KLHL32: variants seen among roughly 807,000 people sequenced by gnomAD.
The protein encoded by KLHL32 is kelch-like protein 32.
Under a neutral mutation model 64.8 loss-of-function variants are expected in KLHL32, and 35 were observed. That is an observed-to-expected ratio of 0.54 (90% CI 0.41 to 0.72). KLHL32 has a LOEUF of 0.72. KLHL32 is among the 30% of genes least tolerant of loss of function. KLHL32 has a pLI of 0.00. For missense variants in KLHL32, 589 were observed against 768.5 expected (o/e 0.77, Z 2.76); for synonymous variants, 259 against 281.0 (o/e 0.92, Z 0.78).
intron 3 of KLHL32, among the ~76,000 whole-genome samples, chr6:97,031,620 G>GGCAATGTTA (rs1783565122): frequency 6.6e-6 from 1 of 152,108 alleles, no homozygotes. Flanking sequence ...TTATAGTCAT[G>GGCAATGTTA]ACCCACGGTG....
intron 4 of KLHL32, among the ~76,000 whole-genome samples, chr6:97,042,368 G>A (rs1766499): frequency 0.17 from 26,054 of 152,150 alleles, 2,589 homozygotes; most frequent in African/African-American, 0.29. Context: ...ATACAAAACA[G>A]AGTGGGAGAA....
At chr6:96,980,057 T>C (rs1776133444) in intron 3 of KLHL32, among the ~76,000 whole-genome samples, 2 of 152,170 alleles carry the variant, frequency 1.3e-5, no homozygotes, top group Admixed American at 1.3e-4. Flanking sequence ...TTAGGAGATA[T>C]GGGGCAGAGA....
intron 2 of KLHL32, among the ~76,000 whole-genome samples, chr6:96,971,538 C>G (rs1467142820): frequency 6.6e-6 from 1 of 151,978 alleles, no homozygotes; most frequent in Non-Finnish European, 1.5e-5. Flanking sequence ...TATTTATTTC[C>G]CCATTACTAG....
At chr6:97,102,988 C>A (rs149765886) in intron 6 of KLHL32, among the ~76,000 whole-genome samples, 97 of 151,846 alleles carry the variant, frequency 6.4e-4, no homozygotes, top group African/African-American at 2.3e-3. Flanking sequence ...TCCCTCCTCC[C>A]CCACCCTCCA....
At chr6:97,125,169 C>T (rs1417791673) in intron 7 of KLHL32, among the ~76,000 whole-genome samples, 2 of 152,168 alleles carry the variant, frequency 1.3e-5, no homozygotes, top group Admixed American at 6.5e-5. Flanking sequence ...AAATAGTCCT[C>T]TAGTTAATAA....
rs142438057 is a variant in KLHL32, at chr6:96,927,864, G to A, written c.-66+2838G>A. 1.8e-4 allele frequency among the ~76,000 whole-genome samples: 28 copies of A among 152,286 alleles called. 2 individuals carry two copies. In the East Asian group the frequency reaches 5.4e-3, roughly 29 times the overall value. ...GATTCAGAGCAAACACACTGCTCCT[G>A]GCAGCGTCCACTTTTCGAGCTCTTC... On this transcript the variant is annotated intron_variant, in intron 1 of 10. Coordinates refer to ENST00000369261, the MANE Select transcript of KLHL32 (RefSeq NM_052904.4).
At chr6:97,016,871 C>T (rs1781275435) in intron 3 of KLHL32, among the ~76,000 whole-genome samples, 1 of 152,146 alleles carries the variant, frequency 6.6e-6, no homozygotes, top group Non-Finnish European at 1.5e-5. Context: ...CTCACAAGAA[C>T]TGATGGTTTT....
intron 3 of KLHL32, among the ~76,000 whole-genome samples, chr6:97,006,724 G>C (rs184459841): frequency 6.6e-6 from 1 of 152,276 alleles, no homozygotes; most frequent in Admixed American, 6.5e-5. Flanking sequence ...TGTCTGAAAA[G>C]GATCTTATTT....
intron 5 of KLHL32, among the ~76,000 whole-genome samples, chr6:97,073,385 A>G (rs1562307318): frequency 6.6e-6 from 1 of 152,258 alleles, no homozygotes; most frequent in Non-Finnish European, 1.5e-5. Flanking sequence ...ATTTGAAAAC[A>G]TCATACTGAA....
At chr6:96,980,370 A>C (rs150015074) in intron 3 of KLHL32, among the ~76,000 whole-genome samples, 39 of 152,316 alleles carry the variant, frequency 2.6e-4, no homozygotes, top group Middle Eastern at 6.8e-3. Context: ...TTTAACATGA[A>C]GGGAAGTTGA....
chr6:97,098,999 G>A (rs774480079), intron 6 of KLHL32, among the ~76,000 whole-genome samples: 3 of 152,142 alleles, frequency 2.0e-5, no homozygotes, highest in Admixed American at 6.5e-5. Flanking sequence ...TTATCTTATA[G>A]GTTCGCTATG....
the KLHL32 span, among the ~76,000 whole-genome samples, chr6:96,918,618 T>G: frequency 6.6e-6 from 1 of 152,204 alleles, no homozygotes; most frequent in Non-Finnish European, 1.5e-5. Context: ...ACTAAAAATT[T>G]GATGTATCAC....
At chr6:96,994,787 T>C (rs1013958698) in intron 3 of KLHL32, among the ~76,000 whole-genome samples, 3 of 152,254 alleles carry the variant, frequency 2.0e-5, no homozygotes, top group Non-Finnish European at 4.4e-5. Flanking sequence ...ATTTAAGCAG[T>C]GTGAGCACAG....
chr6:96,951,851 A>G (rs1562186350), intron 1 of KLHL32, among the ~76,000 whole-genome samples: 1 of 152,090 alleles, frequency 6.6e-6, no homozygotes, highest in South Asian at 2.1e-4. Flanking sequence ...CAATTATTTT[A>G]GCTGTTTCTT....
At chr6:97,006,737 C>T (rs1021439757) in intron 3 of KLHL32, among the ~76,000 whole-genome samples, 1 of 152,098 alleles carries the variant, frequency 6.6e-6, no homozygotes, top group African/African-American at 2.4e-5. Context: ...TCTTATTTCT[C>T]CTTTGCTTAT....
chr6:96,966,900 C>G (rs1292283863), intron 1 of KLHL32, 96 bp from the exon 2 acceptor site: 9 of 604,564 alleles, frequency 1.5e-5, no homozygotes, highest in Non-Finnish European at 2.4e-5. Context: ...TCCAAGCTGT[C>G]TCCCTGGAAT....
chr6:96,922,850 A>T (rs907974439), upstream of KLHL32, among the ~76,000 whole-genome samples: 24 of 152,226 alleles, frequency 1.6e-4, no homozygotes, highest in African/African-American at 5.3e-4. Flanking sequence ...CTTATTTTAG[A>T]GAAATAAAAT....
chr6:96,958,748 T>C (rs376825964), intron 1 of KLHL32, among the ~76,000 whole-genome samples: 1 of 152,100 alleles, frequency 6.6e-6, no homozygotes, highest in Admixed American at 6.5e-5. Context: ...TCCCCACCCA[T>C]TGGAAAGAAT....
chr6:96,967,088 G>A lies in KLHL32; in HGVS notation c.23+5G>A, dbSNP rs1487671971. The A allele has an allele frequency of 6.2e-7, 1 of 1,613,392 alleles. No homozygotes were observed. The highest frequency in any genetic ancestry group is 8.5e-7 in the Non-Finnish European group (1 of 1,179,706). The stretch of plus-strand genomic sequence containing the variant: ...GCCGTCTGAACGCTGCCTCAGGTAT[G>A]CCCTGTAGGATATGTCCTCACATGC... On this transcript the variant is annotated splice_donor_5th_base_variant and intron_variant, in intron 2 of 10. Transcript: ENST00000369261.
Sources: gnomAD v4.1 joint callset for allele counts (sites outside exome capture counted in the v4.1 genomes callset) on GRCh38, gnomAD v4.1.1 for gene constraint, MANE v1.5 for transcripts, NCBI Gene and HGNC (gene_info 2026-07-23, HGNC 2026-07-21) for gene names.